HSPE1: variants seen among roughly 807,000 people sequenced by gnomAD.
HSPE1 encodes heat shock protein family E (Hsp10) member 1, also known as 10 kDa heat shock protein, mitochondrial.
Under a neutral mutation model 13.2 loss-of-function variants are expected in HSPE1, and 1 was observed. That is an observed-to-expected ratio of 0.08 (90% CI 0.03 to 0.36). HSPE1 has a LOEUF of 0.36. Ranked by LOEUF, HSPE1 falls within the 10% of genes least tolerant of loss-of-function variation. The probability of loss-of-function intolerance (pLI) is 0.99; values close to 1 mark genes in which losing one functional copy is unlikely to be tolerated. For synonymous variants in HSPE1, 44 were observed against 42.0 expected (o/e 1.05, Z -0.19); for missense variants, 73 against 118.7 (o/e 0.62, Z 1.79).
In HSPE1 at chr2:197,503,192, G is replaced by GT. The variant is rs760543945; in HGVS notation, c.259-10dup. 33 of 1,603,212 alleles carry GT rather than the reference G, an allele frequency of 2.1e-5. No homozygotes were observed. In the East Asian group the frequency reaches 2.2e-4, roughly 11 times the overall value. Reference sequence around the variant, plus strand: ...TTGCAATTAGTTGTCTTAACTAATGGTTTTTTTCACTTGCAGGATTATTTC... The same window carrying GT: ...TTGCAATTAGTTGTCTTAACTAATGGTTTTTTTTCACTTGCAGGATTATTTC... On this transcript the variant is annotated splice_polypyrimidine_tract_variant and intron_variant, in intron 3 of 3. Coordinates refer to ENST00000233893, the MANE Select transcript of HSPE1 (RefSeq NM_002157.3).
chr2:197,500,581 G>C (rs2086238486), intron 1 of HSPE1, 142 bp downstream of exon 1: 1 of 1,287,818 alleles, frequency 7.8e-7, no homozygotes, highest in Non-Finnish European at 1.1e-6. Context: ...CCTTGGAGCG[G>C]CAAGGCCCGC....
At chr2:197,501,400 A>G (rs2086253391) in intron 2 of HSPE1, 162 bp downstream of exon 2, 3 of 807,654 alleles carry the variant, frequency 3.7e-6, no homozygotes, top group Non-Finnish European at 5.7e-6. Context: ...AATGACTAAT[A>G]TAAAGTTGCT....
chr2:197,502,949 A>G (rs564171558), intron 2 of HSPE1, 90 bp from the exon 3 acceptor site: 6 of 707,604 alleles, frequency 8.5e-6, no homozygotes, highest in Admixed American at 2.3e-5. Flanking sequence ...TTGAGTGACC[A>G]TGTTTCATTA....
intron 2 of HSPE1, 136 bp from the exon 3 acceptor site, chr2:197,502,903 A>G: frequency 1.6e-6 from 1 of 617,810 alleles, no homozygotes; most frequent in South Asian, 2.0e-5. Context: ...GAGTCGTATC[A>G]CTTAGCCACG....
chr2:197,500,746 G>A, intron 1 of HSPE1: 1 of 586,560 alleles, frequency 1.7e-6, no homozygotes, highest in South Asian at 2.1e-5. Context: ...ATGGTGCCAG[G>A]CAGGGAGCTT....
chr2:197,500,480 G>C (rs1200825073), intron 1 of HSPE1, 41 bp downstream of exon 1: 1 of 1,575,822 alleles, frequency 6.3e-7, no homozygotes, highest in African/African-American at 1.3e-5. Context: ...GCCCGGGCCT[G>C]TCTGAGGCGT....
At chr2:197,500,998 G>GTA (rs955693131) in intron 1 of HSPE1, 76 bp from the exon 2 acceptor site, 27 of 1,548,824 alleles carry the variant, frequency 1.7e-5, no homozygotes, top group African/African-American at 1.5e-4. Flanking sequence ...GTGTTGAGAT[G>GTA]TATAGCACGG....
rs754547574 is a variant in HSPE1 at position 197,503,385 on chromosome 2, C to A, written c.*126C>A. 63 of 629,918 alleles carry A rather than the reference C, an allele frequency of 1.0e-4. No homozygotes were observed. Among genetic ancestry groups the A allele is most frequent in the Non-Finnish European group, 1.7e-4 (62 of 363,274 alleles). The allele number at this position is 629,918 out of a possible 1,614,324, so 39.0% of individuals were successfully genotyped here. ...ATAAACTAATGATAACTAATGACAT[C>A]CAGTGTCTCCAAAATTGTTTCCTTG... On this transcript the variant is annotated 3_prime_UTR_variant, in exon 4 of 4. Transcript: ENST00000233893.
In HSPE1 at chr2:197,501,250, C is replaced by G. The variant is rs777798969; in HGVS notation, c.168+12C>G. On this transcript the variant is annotated intron_variant, in intron 2 of 3. Transcript: ENST00000233893. Reference sequence around the variant, plus strand: ...GTTCTAAAGGAAAGGTAAATGGGAGCTGCAGTGGAACTATTTTTTATAGTG... The same window carrying G: ...GTTCTAAAGGAAAGGTAAATGGGAGGTGCAGTGGAACTATTTTTTATAGTG... 6 of 1,600,644 alleles carry G rather than the reference C, an allele frequency of 3.7e-6. No individual in the cohort carries two copies. The African/African-American group carries it at 4.0e-5, about 11-fold the overall frequency.
At position 197,503,251 on chromosome 2, in the gene HSPE1, G is replaced by A. The variant is rs750479587; in HGVS notation, c.301G>A (p.Val101Ile). The A allele has an allele frequency of 5.6e-6, 9 of 1,599,342 alleles. No homozygotes were observed. In the East Asian group the frequency reaches 6.7e-5, roughly 12 times the overall value. Reference sequence around the variant, plus strand: ...AGATGGTGACATTCTTGGAAAGTACGTAGACTGAAATAAGTCACTATTGAA... The same window carrying A: ...AGATGGTGACATTCTTGGAAAGTACATAGACTGAAATAAGTCACTATTGAA... ...FRDGDILGKY[V>I]D The change falls in exon 4 of 4, where the codon GTA becomes ATA. Residue 101 changes from valine to isoleucine, a missense_variant. By Grantham distance (29) the Val-to-Ile change is conservative (BLOSUM62 3). Transcript: ENST00000233893.
intron 2 of HSPE1, among the ~76,000 whole-genome samples, chr2:197,502,343 G>C (rs1347552962): frequency 6.6e-6 from 1 of 152,154 alleles, no homozygotes; most frequent in African/African-American, 2.4e-5. Flanking sequence ...CCAAAAGATT[G>C]CACACCTCTG....
intron 2 of HSPE1, among the ~76,000 whole-genome samples, chr2:197,502,494 G>T (rs899884983): frequency 4.9e-4 from 74 of 152,214 alleles, no homozygotes; most frequent in African/African-American, 1.7e-3. Flanking sequence ...CTACTGAGGA[G>T]CTGTCATGGA....
chr2:197,503,131 G>A lies in HSPE1; in HGVS notation c.258+3G>A. On this transcript the variant is annotated splice_donor_region_variant and intron_variant, in intron 3 of 3. Coordinates refer to ENST00000233893, the MANE Select transcript of HSPE1 (RefSeq NM_002157.3). ...CCAAAGTAGTTCTAGATGACAAGGTGTGTAAACTTAATAATTCTAAAAAGA... is the reference window on the plus strand; with the variant it reads ...CCAAAGTAGTTCTAGATGACAAGGTATGTAAACTTAATAATTCTAAAAAGA... 1 of 1,589,324 alleles carries A rather than the reference G, an allele frequency of 6.3e-7. No homozygotes were observed. The highest frequency in any genetic ancestry group is 2.2e-5 in the East Asian group (1 of 44,682).
intron 2 of HSPE1, 145 bp downstream of exon 2, chr2:197,501,383 A>G: frequency 5.3e-6 from 5 of 943,058 alleles, no homozygotes; most frequent in Non-Finnish European, 6.2e-6. Context: ...TCTGTTTCTT[A>G]AAGGGAAATG....
chr2:197,500,474 G>C, intron 1 of HSPE1, 35 bp downstream of exon 1: 5 of 1,586,480 alleles, frequency 3.2e-6, no homozygotes, highest in Non-Finnish European at 4.3e-6. Flanking sequence ...CTGCAGGCCC[G>C]GGCCTGTCTG....
intron 2 of HSPE1, among the ~76,000 whole-genome samples, chr2:197,502,636 T>A (rs571317094): frequency 6.6e-6 from 1 of 152,356 alleles, no homozygotes; most frequent in South Asian, 2.1e-4. Context: ...TTTTGTATGT[T>A]GAAAGAAGGA....
intron 2 of HSPE1, 68 bp downstream of exon 2, chr2:197,501,306 G>T (rs142886549): frequency 8.8e-6 from 13 of 1,478,696 alleles, no homozygotes; most frequent in Non-Finnish European, 1.2e-5. Context: ...TAATTCTGGA[G>T]TATTAAAAGT....
chr2:197,503,199 T>G lies in HSPE1; in HGVS notation c.259-10T>G. ...TAGTTGTCTTAACTAATGGTTTTTT[T>G]CACTTGCAGGATTATTTCCTATTTA... On this transcript the variant is annotated splice_polypyrimidine_tract_variant and intron_variant, in intron 3 of 3. Transcript: ENST00000233893. The G allele has an allele frequency of 6.2e-7, 1 of 1,603,290 alleles. No homozygotes were observed.
At chr2:197,502,867 T>G (rs934056972) in intron 2 of HSPE1, among the ~76,000 whole-genome samples, 172 bp from the exon 3 acceptor site, 1 of 152,248 alleles carries the variant, frequency 6.6e-6, no homozygotes, top group Non-Finnish European at 1.5e-5. Flanking sequence ...GTGGTATTTT[T>G]GAGTGAAGAT....
Sources: allele counts gnomAD v4.1 joint callset (sites outside exome capture counted in the v4.1 genomes callset), GRCh38; gene constraint gnomAD v4.1.1; transcripts MANE v1.5; gene names NCBI Gene and HGNC (gene_info 2026-07-23, HGNC 2026-07-21).